ODAD2: variants seen among roughly 807,000 people sequenced by gnomAD.
The protein encoded by ODAD2 is outer dynein arm docking complex subunit 2, also known as outer dynein arm-docking complex subunit 2.
In ODAD2, 89 loss-of-function variants were observed where a neutral mutation model predicts 106.8. The ratio of observed to expected loss-of-function variants is 0.83; its 90% CI spans 0.70 to 0.99. The LOEUF (loss-of-function observed/expected upper bound fraction) is 0.99. Ranked by LOEUF, ODAD2 falls within the 50% of genes least tolerant of loss-of-function variation. The probability of loss-of-function intolerance (pLI) is 0.00; values close to 1 mark genes in which losing one functional copy is unlikely to be tolerated. For synonymous variants in ODAD2, 404 were observed against 436.2 expected (o/e 0.93, Z 0.92); for missense variants, 1,168 against 1,238.5 (o/e 0.94, Z 0.85).
intron 17 of ODAD2, among the ~76,000 whole-genome samples, chr10:27,884,640 A>G (rs1271031966): frequency 6.6e-6 from 1 of 152,150 alleles, no homozygotes; most frequent in Non-Finnish European, 1.5e-5. Flanking sequence ...AGAAGCTATG[A>G]AAAGCAAGGG....
At chr10:27,832,054 G>C (rs1446284113) in intron 19 of ODAD2, among the ~76,000 whole-genome samples, 1 of 152,206 alleles carries the variant, frequency 6.6e-6, no homozygotes, top group Non-Finnish European at 1.5e-5. Flanking sequence ...TTTCATCTTT[G>C]TATCTTCAGG....
At chr10:27,918,538 G>A (rs1268128044) in intron 16 of ODAD2, among the ~76,000 whole-genome samples, 1 of 151,798 alleles carries the variant, frequency 6.6e-6, no homozygotes, top group East Asian at 1.9e-4. Flanking sequence ...ACTAGGAATA[G>A]AAGGAAACTT....
chr10:27,822,623 A>G (rs954186899), intron 19 of ODAD2, among the ~76,000 whole-genome samples: 3 of 152,208 alleles, frequency 2.0e-5, no homozygotes, highest in Non-Finnish European at 4.4e-5. Context: ...TTTCTTGCAC[A>G]TCCAGACTCT....
chr10:27,960,029 CA>C (rs1354891560), intron 10 of ODAD2, among the ~76,000 whole-genome samples: 2 of 151,722 alleles, frequency 1.3e-5, no homozygotes, highest in African/African-American at 4.8e-5. Context: ...AAATAAAAAC[CA>C]TTTTAAAAAT....
intron 19 of ODAD2, among the ~76,000 whole-genome samples, chr10:27,860,043 G>A (rs1464808895): frequency 6.6e-6 from 1 of 152,024 alleles, no homozygotes; most frequent in Non-Finnish European, 1.5e-5. Flanking sequence ...TCCATATGCT[G>A]TACATTTTCT....
intron 17 of ODAD2, among the ~76,000 whole-genome samples, chr10:27,891,996 A>G (rs1272614928): frequency 6.6e-6 from 1 of 152,222 alleles, no homozygotes; most frequent in Non-Finnish European, 1.5e-5. Flanking sequence ...CATTCTTTAC[A>G]TCACAACTTC....
chr10:27,982,844 G>A (rs1193565946), intron 6 of ODAD2, among the ~76,000 whole-genome samples: 3 of 152,208 alleles, frequency 2.0e-5, no homozygotes, highest in Non-Finnish European at 4.4e-5. Context: ...GGATGAGACT[G>A]AAAGTGTTTT....
chr10:27,909,337 C>T (rs1051766933), intron 16 of ODAD2, among the ~76,000 whole-genome samples: 3 of 152,134 alleles, frequency 2.0e-5, no homozygotes, highest in African/African-American at 7.2e-5. Flanking sequence ...AACATTCAAT[C>T]CTGGACAAAA....
chr10:27,850,887 G>C (rs143437137), intron 19 of ODAD2, among the ~76,000 whole-genome samples: 10 of 152,322 alleles, frequency 6.6e-5, no homozygotes, highest in African/African-American at 2.4e-4. Flanking sequence ...CACAGGGAGG[G>C]AGAGCCCAGA....
intron 10 of ODAD2, among the ~76,000 whole-genome samples, chr10:27,951,810 C>T (rs144420949): frequency 1.3e-5 from 2 of 152,172 alleles, no homozygotes; most frequent in African/African-American, 4.8e-5. Context: ...CACAGTGGCT[C>T]ACATCTGTAA....
intron 7 of ODAD2, 116 bp from the exon 8 acceptor site, chr10:27,971,429 GT>G: frequency 1.2e-6 from 1 of 855,976 alleles, no homozygotes. Flanking sequence ...TTAACTTGTG[GT>G]CCTTAGTAAC....
intron 19 of ODAD2, among the ~76,000 whole-genome samples, chr10:27,834,628 G>T (rs1486351601): frequency 6.6e-6 from 1 of 152,178 alleles, no homozygotes; most frequent in African/African-American, 2.4e-5. Flanking sequence ...GGCAGGCAGG[G>T]GGCAGATCGT....
chr10:27,977,311 TC>T (rs1259023589), intron 7 of ODAD2, among the ~76,000 whole-genome samples: 1 of 151,356 alleles, frequency 6.6e-6, no homozygotes, highest in African/African-American at 2.4e-5. Flanking sequence ...ACACCTGTAA[TC>T]CCAGCACTTT....
At chr10:27,844,243 G>T (rs1436180825) in intron 19 of ODAD2, among the ~76,000 whole-genome samples, 1 of 152,172 alleles carries the variant, frequency 6.6e-6, no homozygotes, top group Non-Finnish European at 1.5e-5. Flanking sequence ...TATACCAGCT[G>T]CAAGAGCAGC....
At chr10:27,926,471 A>G (rs187790229) in intron 16 of ODAD2, among the ~76,000 whole-genome samples, 93 of 152,262 alleles carry the variant, frequency 6.1e-4, no homozygotes, top group African/African-American at 2.2e-3. Flanking sequence ...ACAAAAATAA[A>G]CAAAATTCAT....
chr10:27,882,173 A>AAAAGATAGAAAG (rs1841758579), intron 17 of ODAD2, among the ~76,000 whole-genome samples: 1 of 109,682 alleles, frequency 9.1e-6, no homozygotes, highest in Non-Finnish European at 1.8e-5. Flanking sequence ...GTCATAAAAA[A>AAAAGATAGAAAG]AAAGAAAGAA....
At chr10:27,856,397 T>A (rs760409087) in intron 19 of ODAD2, among the ~76,000 whole-genome samples, 5 of 152,208 alleles carry the variant, frequency 3.3e-5, no homozygotes, top group Admixed American at 6.5e-5. Flanking sequence ...TTTTGAAACT[T>A]GCTCTTCCTT....
chr10:27,924,243 A>T (rs933517339), intron 16 of ODAD2, among the ~76,000 whole-genome samples: 7 of 151,826 alleles, frequency 4.6e-5, no homozygotes, highest in African/African-American at 1.7e-4. Flanking sequence ...TGTGTAGTTA[A>T]AAAAAATTTT....
At chr10:27,924,004 A>AAGAG (rs1491045861) in intron 16 of ODAD2, among the ~76,000 whole-genome samples, 1 of 130,720 alleles carries the variant, frequency 7.6e-6, no homozygotes, top group East Asian at 2.2e-4. Flanking sequence ...GAAAGAAAGA[A>AAGAG]AGAAAGAAAG....
Sources: allele counts gnomAD v4.1 joint callset (sites outside exome capture counted in the v4.1 genomes callset), GRCh38; gene constraint gnomAD v4.1.1; transcripts MANE v1.5; gene names NCBI Gene and HGNC (gene_info 2026-07-23, HGNC 2026-07-21).